Variants in CLNK observed in about 807,000 individuals in gnomAD.
CLNK encodes the protein cytokine dependent hematopoietic cell linker.
CLNK carries 74 observed loss-of-function variants against 68.6 expected under a neutral mutation model. The ratio of observed to expected loss-of-function variants is 1.08; its 90% CI spans 0.89 to 1.31. CLNK has a LOEUF of 1.31. Ranked by LOEUF, CLNK falls within the 50% of genes most tolerant of loss-of-function variation. CLNK has a pLI of 0.00. For synonymous variants in CLNK, 198 were observed against 172.2 expected (o/e 1.15, Z -1.17); for missense variants, 553 against 515.3 (o/e 1.07, Z -0.71).
intron 16 of CLNK, among the ~76,000 whole-genome samples, chr4:10,509,987 C>T (rs1717503293): frequency 6.6e-6 from 1 of 152,224 alleles, no homozygotes; most frequent in South Asian, 2.1e-4. Context: ...GAAGCATGAG[C>T]TGTCTGAGCT....
chr4:10,724,298 A>G, the CLNK span, among the ~76,000 whole-genome samples: 1 of 151,922 alleles, frequency 6.6e-6, no homozygotes, highest in Non-Finnish European at 1.5e-5. Context: ...TCCTCCTTCA[A>G]GTTGTTGCTC....
chr4:10,578,794 A>G (rs985784327), intron 4 of CLNK, among the ~76,000 whole-genome samples: 3 of 151,626 alleles, frequency 2.0e-5, no homozygotes, highest in East Asian at 1.9e-4. Context: ...CTGGTCTTGA[A>G]CTGCTAACTT....
At chr4:10,729,754 CAA>C in the CLNK span, among the ~76,000 whole-genome samples, 3 of 152,178 alleles carry the variant, frequency 2.0e-5, no homozygotes, top group African/African-American at 7.2e-5. Context: ...AGGAACGTTG[CAA>C]AAGTTTGAAA....
intron 8 of CLNK, among the ~76,000 whole-genome samples, chr4:10,554,294 G>C (rs1437541736): frequency 6.6e-6 from 1 of 152,160 alleles, no homozygotes; most frequent in East Asian, 1.9e-4. Flanking sequence ...GGTTTCATGG[G>C]GAAGGCCGTA....
chr4:10,590,264 C>T (rs1292436592), intron 3 of CLNK, among the ~76,000 whole-genome samples: 2 of 152,324 alleles, frequency 1.3e-5, no homozygotes, highest in East Asian at 3.9e-4. Flanking sequence ...TTTTTAAAGG[C>T]TACTAAAGTA....
intron 4 of CLNK, among the ~76,000 whole-genome samples, chr4:10,581,222 AT>A (rs914152738): frequency 1.3e-5 from 2 of 152,210 alleles, no homozygotes; most frequent in Middle Eastern, 3.2e-3. Flanking sequence ...GTGTAAGTAC[AT>A]TCTATGACGT....
At chr4:10,526,721 C>G (rs141414139) in intron 13 of CLNK, among the ~76,000 whole-genome samples, 1 of 152,224 alleles carries the variant, frequency 6.6e-6, no homozygotes, top group Non-Finnish European at 1.5e-5. Context: ...TCAATTTTTT[C>G]CCCCCTCGAT....
rs780574481 is a variant in CLNK, at chr4:10,571,743, A to G, written c.148T>C (p.Trp50Arg). The G allele has an allele frequency of 1.9e-6, 3 of 1,612,192 alleles. No individual in the cohort carries two copies. Among genetic ancestry groups the G allele is most frequent in the Non-Finnish European group, 2.5e-6 (3 of 1,178,372 alleles). Residue 50 changes from tryptophan to arginine, a missense_variant and splice_region_variant, in exon 5 of 19, where the codon TGG (tryptophan) becomes CGG (arginine). By Grantham distance (101) the Trp-to-Arg change is moderately radical. Transcript: ENST00000226951. ...YQRMNKPLLD[W>R]ERNFAAVLDG... ...GATAAGGGAAGCAGCTGACTTACCCAGTCTAGAAGAGGCTTGTTCATCCTC... is the reference window on the plus strand; with the variant it reads ...GATAAGGGAAGCAGCTGACTTACCCGGTCTAGAAGAGGCTTGTTCATCCTC...
intron 9 of CLNK, 88 bp from the exon 10 acceptor site, chr4:10,542,129 T>C: frequency 7.8e-7 from 1 of 1,282,532 alleles, no homozygotes; most frequent in Non-Finnish European, 1.1e-6. Context: ...CAAATAGAAA[T>C]TACAAATTGT....
chr4:10,681,749 G>T (rs1725098330), intron 1 of CLNK, among the ~76,000 whole-genome samples: 1 of 152,182 alleles, frequency 6.6e-6, no homozygotes, highest in South Asian at 2.1e-4. Context: ...GGGAACATCA[G>T]CAGGGTACTC....
chr4:10,714,683 G>GT, the CLNK span, among the ~76,000 whole-genome samples: 1 of 148,552 alleles, frequency 6.7e-6, no homozygotes, highest in Non-Finnish European at 1.5e-5. Context: ...CATTCATTGT[G>GT]GTGTGTGTGT....
chr4:10,696,139 A>G, the CLNK span, among the ~76,000 whole-genome samples: 2 of 152,130 alleles, frequency 1.3e-5, no homozygotes, highest in African/African-American at 2.4e-5. Context: ...TATAGGCTTG[A>G]GCCACTGCAC....
intron 2 of CLNK, among the ~76,000 whole-genome samples, chr4:10,608,521 T>C (rs1353486070): frequency 6.6e-6 from 1 of 152,216 alleles, no homozygotes; most frequent in Non-Finnish European, 1.5e-5. Context: ...AACAGCTGTG[T>C]TTTCTGAGCC....
At chr4:10,501,150 C>T in intron 18 of CLNK, 106 bp downstream of exon 18, 2 of 1,178,536 alleles carry the variant, frequency 1.7e-6, no homozygotes, top group African/African-American at 1.6e-5. Flanking sequence ...GACTGCATCC[C>T]TCTCCTTCAG....
Position 10,490,474 on chromosome 4 carries a change from G to A in CLNK, c.1280C>T (p.Pro427Leu), listed in dbSNP as rs771600707. ...QPLPLTRHLLPL is the reference protein window; with the variant it reads ...QPLPLTRHLLLL Reference sequence around the variant, plus strand: ...GATAACACAAAGACCAGGCTACAGAGGCAAGAGGTGTCTGGTGAGAGGGAG... The same window carrying A: ...GATAACACAAAGACCAGGCTACAGAAGCAAGAGGTGTCTGGTGAGAGGGAG... The change falls in exon 19 of 19, where the codon CCT (proline) becomes CTT (leucine). Residue 427 changes from proline to leucine, a missense_variant. By Grantham distance (98) the Pro-to-Leu change is moderately conservative. Coordinates refer to ENST00000226951, the MANE Select transcript of CLNK (RefSeq NM_052964.4). 2 of 1,613,474 alleles carry A rather than the reference G, an allele frequency of 1.2e-6. No individual in the cohort carries two copies. Among genetic ancestry groups the A allele is most frequent in the East Asian group, 4.5e-5 (2 of 44,878 alleles).
chr4:10,584,295 C>T (rs1370421334), intron 4 of CLNK, among the ~76,000 whole-genome samples: 2 of 152,174 alleles, frequency 1.3e-5, no homozygotes, highest in African/African-American at 4.8e-5. Context: ...ATGACTCCAT[C>T]GCTTCTTTGG....
intron 2 of CLNK, among the ~76,000 whole-genome samples, chr4:10,634,439 G>A (rs4399980): frequency 0.32 from 48,471 of 151,922 alleles, 8,760 homozygotes; most frequent in African/African-American, 0.49. Context: ...AAGTTAATTA[G>A]TTCTCTTTAT....
At chr4:10,614,675 A>G (rs905602647) in intron 2 of CLNK, among the ~76,000 whole-genome samples, 1 of 152,242 alleles carries the variant, frequency 6.6e-6, no homozygotes, top group African/African-American at 2.4e-5. Flanking sequence ...CTGTGTGCAC[A>G]TTCAAGTTGG....
chr4:10,706,643 A>T, the CLNK span, among the ~76,000 whole-genome samples: 3 of 152,094 alleles, frequency 2.0e-5, no homozygotes, highest in Non-Finnish European at 4.4e-5. Flanking sequence ...TTTCTCATTG[A>T]ATCCCTCCCT....
Sources: allele counts gnomAD v4.1 joint callset (sites outside exome capture counted in the v4.1 genomes callset), GRCh38; gene constraint gnomAD v4.1.1; transcripts MANE v1.5; gene names NCBI Gene and HGNC (gene_info 2026-07-23, HGNC 2026-07-21).